The following DLC1 variants were observed in gnomAD, a reference collection of about 807,000 sequenced individuals.
DLC1 encodes rho GTPase-activating protein 7.
Under a neutral mutation model 140.3 loss-of-function variants are expected in DLC1, and 54 were observed. The observed-to-expected ratio is 0.38, with a 90% CI of 0.31 to 0.48. The LOEUF (loss-of-function observed/expected upper bound fraction) is 0.48, where lower values mean the gene tolerates loss of function less well. Ranked by LOEUF, DLC1 falls within the 20% of genes least tolerant of loss-of-function variation. The pLI, the probability that DLC1 is intolerant of heterozygous loss-of-function variation, is 0.96. For synonymous variants in DLC1, 986 were observed against 728.1 expected, an observed-to-expected ratio of 1.35 and a Z score of -5.70; for missense variants, 2,536 against 1,907.0, an observed-to-expected ratio of 1.33 and a Z score of -6.14.
At chr8:13,324,364 C>T (rs543914656) in intron 4 of DLC1, among the ~76,000 whole-genome samples, 30 of 141,782 alleles carry the variant, frequency 2.1e-4, no homozygotes, top group Middle Eastern at 3.5e-3. Context: ...GTCAGGAGAT[C>T]GAGACCATCC....
chr8:13,308,793 T>A (rs1479213697), intron 4 of DLC1, among the ~76,000 whole-genome samples: 1 of 152,042 alleles, frequency 6.6e-6, no homozygotes, highest in East Asian at 1.9e-4. Flanking sequence ...CAAGTAGAAA[T>A]GGAATGGTTT....
chr8:13,119,250 G>A (rs911611000), intron 5 of DLC1, among the ~76,000 whole-genome samples: 1 of 150,404 alleles, frequency 6.6e-6, no homozygotes, highest in African/African-American at 2.5e-5. Context: ...AAAAAAAATA[G>A]GTCTAAACAC....
chr8:13,425,486 T>C (rs57298057), intron 2 of DLC1, among the ~76,000 whole-genome samples: 40,155 of 152,100 alleles, frequency 0.26, 6,031 homozygotes, highest in Middle Eastern at 0.37. Context: ...GACTAATATA[T>C]GGTGATAGAA....
chr8:13,594,296 T>C (rs7833165), intron 1 of DLC1, among the ~76,000 whole-genome samples: 6,666 of 152,240 alleles, frequency 0.044, 489 homozygotes, highest in African/African-American at 0.15. Context: ...TTATTGATTT[T>C]GCCTGAGACA....
rs1817431111 is a variant in DLC1, at chr8:13,084,933, A to G, written c.*878T>C. 1 of 152,270 alleles carries G rather than the reference A, an allele frequency of 6.6e-6. No individual in the cohort carries two copies. The highest frequency in any genetic ancestry group is 6.5e-5 in the Admixed American group (1 of 15,286). The allele number at this position is 152,270 out of a possible 1,614,324, so 9.4% of individuals were successfully genotyped here. A position where few individuals can be genotyped will look rare whatever the true frequency, so the allele number is the denominator to read the frequency against. The stretch of plus-strand genomic sequence containing the variant: ...GTAAGTGTTATCGTGTTCAGTTTTT[A>G]TATCTCGACTTAAACAAAAAACAAA... On this transcript the variant is annotated 3_prime_UTR_variant, in exon 18 of 18. Transcript: ENST00000276297.
chr8:13,326,619 G>T (rs1043262596), intron 4 of DLC1, among the ~76,000 whole-genome samples: 3 of 152,140 alleles, frequency 2.0e-5, no homozygotes, highest in Admixed American at 1.3e-4. Flanking sequence ...TGTCTAAGTT[G>T]TAAAACGGTA....
At chr8:13,172,688 A>T (rs1464859328) in intron 5 of DLC1, among the ~76,000 whole-genome samples, 2 of 152,122 alleles carry the variant, frequency 1.3e-5, no homozygotes, top group African/African-American at 2.4e-5. Flanking sequence ...TTGAATATAG[A>T]TTTGTGTGGT....
intron 5 of DLC1, among the ~76,000 whole-genome samples, chr8:13,201,139 A>G (rs1377205384): frequency 1.1e-4 from 13 of 118,150 alleles, no homozygotes; most frequent in African/African-American, 3.4e-4. Context: ...GGAAACAAGG[A>G]AAAAAAAAAA....
chr8:13,163,103 A>C (rs537125845), intron 5 of DLC1, among the ~76,000 whole-genome samples: 3 of 152,322 alleles, frequency 2.0e-5, no homozygotes, highest in African/African-American at 7.2e-5. Context: ...AGAGGCTGAA[A>C]GACAGCTTGG....
intron 1 of DLC1, chr8:13,567,993 A>T (rs1403248062): frequency 4.7e-6 from 7 of 1,478,306 alleles, no homozygotes; most frequent in Non-Finnish European, 5.4e-6. Context: ...TAATTACCAT[A>T]ATTTCTACAG....
intron 5 of DLC1, among the ~76,000 whole-genome samples, chr8:13,131,112 G>A (rs1822036444): frequency 6.6e-6 from 1 of 152,206 alleles, no homozygotes; most frequent in African/African-American, 2.4e-5. Flanking sequence ...TAGAGGGGCT[G>A]CTGCCTTACA....
intron 5 of DLC1, among the ~76,000 whole-genome samples, chr8:13,295,258 T>C (rs1013339975): frequency 2.0e-5 from 3 of 152,200 alleles, no homozygotes; most frequent in Non-Finnish European, 4.4e-5. Context: ...CATTAGCAGG[T>C]GTGAGTCACA....
intron 4 of DLC1, chr8:13,353,258 T>C (rs1834758240): frequency 1.3e-5 from 2 of 152,192 alleles, no homozygotes. Flanking sequence ...TGATTAAAAG[T>C]TTTAGATCAT....
At chr8:13,296,795 A>G (rs1221086327) in intron 5 of DLC1, among the ~76,000 whole-genome samples, 1 of 151,884 alleles carries the variant, frequency 6.6e-6, no homozygotes, top group Admixed American at 6.6e-5. Context: ...AAATGCCATA[A>G]TAAATATACC....
chr8:13,518,758 T>C (rs145989337), upstream of DLC1, among the ~76,000 whole-genome samples: 1 of 152,308 alleles, frequency 6.6e-6, no homozygotes, highest in Non-Finnish European at 1.5e-5. Flanking sequence ...AATAAATACC[T>C]TGAAAGTATT....
At chr8:13,192,416 T>C (rs2117031148) in intron 5 of DLC1, among the ~76,000 whole-genome samples, 1 of 152,300 alleles carries the variant, frequency 6.6e-6, no homozygotes, top group South Asian at 2.1e-4. Context: ...CACAGGAAGT[T>C]ACCAGAGTTT....
intron 5 of DLC1, among the ~76,000 whole-genome samples, chr8:13,274,541 T>C (rs1831081393): frequency 6.6e-6 from 1 of 152,242 alleles, no homozygotes; most frequent in Non-Finnish European, 1.5e-5. Context: ...TGTTTTTCTC[T>C]AAGTGTTTTC....
chr8:13,493,776 A>G (rs1468145376), intron 2 of DLC1, among the ~76,000 whole-genome samples: 1 of 152,070 alleles, frequency 6.6e-6, no homozygotes, highest in Non-Finnish European at 1.5e-5. Flanking sequence ...CATTTTCTGC[A>G]CAATTTACTA....
intron 5 of DLC1, among the ~76,000 whole-genome samples, chr8:13,190,883 C>T (rs1185853954): frequency 6.6e-6 from 1 of 152,080 alleles, no homozygotes; most frequent in South Asian, 2.1e-4. Flanking sequence ...CCACTAACTC[C>T]GTTTCCACCC....
Sources: allele counts gnomAD v4.1 joint callset (sites outside exome capture counted in the v4.1 genomes callset), GRCh38; gene constraint gnomAD v4.1.1; transcripts MANE v1.5; gene names NCBI Gene and HGNC (gene_info 2026-07-23, HGNC 2026-07-21).